Variants in BACE2 observed in about 807,000 individuals in gnomAD.
BACE2 encodes 56 kDa aspartic-like protease.
BACE2 carries 17 observed loss-of-function variants against 46.2 expected under a neutral mutation model. That is an observed-to-expected ratio of 0.37 (90% confidence interval 0.25 to 0.55). The LOEUF (loss-of-function observed/expected upper bound fraction) is 0.55. BACE2 is among the 20% of genes least tolerant of loss of function. The probability of loss-of-function intolerance (pLI) is 0.82; values close to 1 mark genes in which losing one functional copy is unlikely to be tolerated. For missense variants in BACE2, 595 were observed against 698.1 expected (o/e 0.85, Z 1.66); for synonymous variants, 277 against 295.9 (o/e 0.94, Z 0.66).
chr21:41,186,402 T>A (rs1208420361), intron 1 of BACE2: 3 of 152,258 alleles, frequency 2.0e-5, no homozygotes, highest in Non-Finnish European at 4.4e-5. Flanking sequence ...AGCTCGGTAG[T>A]GTTAGCAGCT....
intron 5 of BACE2, among the ~76,000 whole-genome samples, chr21:41,245,120 TAA>T (rs1265142467): frequency 2.0e-5 from 3 of 152,272 alleles, no homozygotes; most frequent in Admixed American, 6.5e-5. Context: ...GATTTTAAAT[TAA>T]GTTTGTTTTT....
chr21:41,197,275 G>T (rs775087069), intron 1 of BACE2, among the ~76,000 whole-genome samples: 20,747 of 134,114 alleles, frequency 0.15, 1,655 homozygotes, highest in Non-Finnish European at 0.2. Flanking sequence ...GGTTTTTTTT[G>T]TTTTTTTTTT....
intron 1 of BACE2, chr21:41,179,951 G>C (rs1282020414): frequency 8.3e-6 from 3 of 360,874 alleles, no homozygotes; most frequent in African/African-American, 6.5e-5. Context: ...TGCCCAGGAA[G>C]GAACTCAAGG....
Position 41,278,881 on chromosome 21 carries a change from G to A in BACE2, c.*3257G>A, listed in dbSNP as rs2088517139. On this transcript the variant is annotated 3_prime_UTR_variant, in exon 9 of 9. Coordinates refer to ENST00000330333, the MANE Select transcript of BACE2 (RefSeq NM_012105.5). ...TCAACAGTCTGTTCCACAAACAACA[G>A]TAATTGAATTTCACAGACTTTATCC... 1 of 152,196 alleles carries A rather than the reference G, an allele frequency of 6.6e-6. No homozygotes were observed. The highest frequency in any genetic ancestry group is 2.4e-5 in the African/African-American group (1 of 41,434). 9.4% of individuals were successfully genotyped at this position (152,196 alleles called of 1,614,324 possible). A position where few individuals can be genotyped will look rare whatever the true frequency, so the allele number is the denominator to read the frequency against.
intron 1 of BACE2, among the ~76,000 whole-genome samples, chr21:41,197,524 G>A (rs1187611443): frequency 6.6e-6 from 1 of 152,024 alleles, no homozygotes; most frequent in Non-Finnish European, 1.5e-5. Flanking sequence ...AGCTGTACAT[G>A]TTTACATCAT....
intron 1 of BACE2, among the ~76,000 whole-genome samples, chr21:41,215,080 G>A (rs1163351039): frequency 6.6e-6 from 1 of 152,150 alleles, no homozygotes; most frequent in Non-Finnish European, 1.5e-5. Context: ...CGTGGGCCTG[G>A]AGCACGGGAG....
intron 7 of BACE2, among the ~76,000 whole-genome samples, chr21:41,256,809 G>A (rs188337587): frequency 3.2e-4 from 49 of 152,236 alleles, no homozygotes; most frequent in African/African-American, 9.4e-4. Context: ...TGTCTCATGG[G>A]CCATGGTCAC....
chr21:41,170,858 C>T (rs537231836), intron 1 of BACE2, among the ~76,000 whole-genome samples: 4 of 152,330 alleles, frequency 2.6e-5, no homozygotes, highest in East Asian at 1.9e-4. Flanking sequence ...ACAAGCACTG[C>T]GCTCTGTGCT....
At position 41,277,787 on chromosome 21, in the gene BACE2, C is replaced by G. The variant is rs1483360917; in HGVS notation, c.*2163C>G. 1.3e-5 allele frequency: 2 copies of G among 152,164 alleles called. No individual in the cohort carries two copies. The highest frequency in any genetic ancestry group is 2.9e-5 in the Non-Finnish European group (2 of 68,030). 9.4% of individuals were successfully genotyped at this position (152,164 alleles called of 1,614,324 possible). A position where few individuals can be genotyped will look rare whatever the true frequency, so the allele number is the denominator to read the frequency against. On this transcript the variant is annotated 3_prime_UTR_variant, in exon 9 of 9. Coordinates refer to ENST00000330333, the MANE Select transcript of BACE2 (RefSeq NM_012105.5). The stretch of plus-strand genomic sequence containing the variant: ...TACAGGAAAGTAACAAGTGAGGTTT[C>G]CAGGTAGAGTAGGTGAATGAAGTTT...
intron 3 of BACE2, among the ~76,000 whole-genome samples, chr21:41,239,460 C>G (rs1447039007): frequency 1.3e-5 from 2 of 152,180 alleles, no homozygotes; most frequent in Non-Finnish European, 2.9e-5. Flanking sequence ...TCACTGCAAC[C>G]TCTAGCTCCC....
At chr21:41,248,130 A>G (rs1987525566) in intron 6 of BACE2, among the ~76,000 whole-genome samples, 1 of 152,216 alleles carries the variant, frequency 6.6e-6, no homozygotes, top group Admixed American at 6.5e-5. Context: ...AGAGGCACCG[A>G]GACCTGGGCT....
At chr21:41,244,882 AGTGTGTGTGTAT>A (rs780495046) in intron 5 of BACE2, among the ~76,000 whole-genome samples, 47 of 122,112 alleles carry the variant, frequency 3.8e-4, no homozygotes, top group Non-Finnish European at 7.5e-4. Context: ...TGTGTGTGTG[AGTGTGTGTGTAT>A]GTGTGTGTGT....
Position 41,250,716 on chromosome 21 carries a change from T to G in BACE2, c.985-36T>G, listed in dbSNP as rs780558350. On this transcript the variant is annotated intron_variant, in intron 6 of 8. Transcript: ENST00000330333. Reference sequence around the variant, plus strand: ...GCTGTTTCCTGTTGACGTGCCAGACTAGTCATGGTTTCTGATGTGATCTTG... The same window carrying G: ...GCTGTTTCCTGTTGACGTGCCAGACGAGTCATGGTTTCTGATGTGATCTTG... The G allele has an allele frequency of 2.5e-6, 4 of 1,609,124 alleles. No homozygotes were observed. The South Asian group carries it at 4.4e-5, about 18-fold the overall frequency.
At position 41,271,813 on chromosome 21, in the gene BACE2, A is replaced by G. The variant is rs916220701; in HGVS notation, c.1304-3558A>G. 1.6e-4 allele frequency among the ~76,000 whole-genome samples: 25 copies of G among 152,178 alleles called. 1 individual carries two copies. The highest frequency in any genetic ancestry group is 4.4e-5 in the Non-Finnish European group (3 of 68,014). ...CATCCATTTTACCTATGCCTATATT[A>G]TAAGCCACCCAGCACATTGTTATAA... On this transcript the variant is annotated intron_variant, in intron 8 of 8. Transcript: ENST00000330333.
intron 2 of BACE2, among the ~76,000 whole-genome samples, chr21:41,236,976 C>T (rs768950609): frequency 4.6e-5 from 7 of 152,238 alleles, no homozygotes; most frequent in Non-Finnish European, 1.0e-4. Context: ...ATGGAAAACA[C>T]TGTTACCAAA....
At chr21:41,207,041 A>G (rs1986148584) in intron 1 of BACE2, among the ~76,000 whole-genome samples, 1 of 152,230 alleles carries the variant, frequency 6.6e-6, no homozygotes, top group Non-Finnish European at 1.5e-5. Flanking sequence ...AATTGCTGTC[A>G]TCAACTCTTG....
At chr21:41,214,338 G>A (rs1356539039) in intron 1 of BACE2, among the ~76,000 whole-genome samples, 1 of 152,182 alleles carries the variant, frequency 6.6e-6, no homozygotes, top group Non-Finnish European at 1.5e-5. Context: ...GGAGGAAGAC[G>A]TCCACGTTCA....
At chr21:41,201,422 G>T (rs1450502245) in intron 1 of BACE2, among the ~76,000 whole-genome samples, 1 of 152,210 alleles carries the variant, frequency 6.6e-6, no homozygotes, top group Non-Finnish European at 1.5e-5. Flanking sequence ...GTTATCCAAG[G>T]GCTGAAGCCA....
chr21:41,168,754 C>T (rs939841566), intron 1 of BACE2, among the ~76,000 whole-genome samples, 179 bp downstream of exon 1: 4 of 152,024 alleles, frequency 2.6e-5, no homozygotes, highest in Non-Finnish European at 4.4e-5. Flanking sequence ...GCTCTTGAGT[C>T]GCGGAGGACG....
Sources: gnomAD v4.1 joint callset for allele counts (sites outside exome capture counted in the v4.1 genomes callset) on GRCh38, gnomAD v4.1.1 for gene constraint, MANE v1.5 for transcripts, NCBI Gene and HGNC (gene_info 2026-07-23, HGNC 2026-07-21) for gene names.